The following WDR25 variants were observed in gnomAD, a reference collection of about 807,000 sequenced individuals.
WDR25 encodes WD repeat domain 25, also known as WD repeat-containing protein 25.
WDR25 carries 35 observed loss-of-function variants against 47.7 expected under a neutral mutation model. The ratio of observed to expected loss-of-function variants is 0.73; its 90% CI spans 0.56 to 0.97. WDR25 has a LOEUF of 0.97. Among genes scored for constraint, WDR25 ranks in the 50% least tolerant of loss-of-function variants. The pLI is 0.00. For synonymous variants in WDR25, 248 were observed against 278.9 expected, an observed-to-expected ratio of 0.89 and a Z score of 1.10; for missense variants, 634 against 704.7, an observed-to-expected ratio of 0.90 and a Z score of 1.14.
chr14:100,432,661 T>C (rs1898373981), intron 2 of WDR25, among the ~76,000 whole-genome samples: 4 of 152,252 alleles, frequency 2.6e-5, no homozygotes, highest in Admixed American at 2.0e-4. Context: ...CTGATAGTCC[T>C]TTACTCCCAA....
chr14:100,396,709 G>C (rs1897268128), intron 2 of WDR25, among the ~76,000 whole-genome samples: 2 of 152,222 alleles, frequency 1.3e-5, no homozygotes, highest in African/African-American at 4.8e-5. Flanking sequence ...GAGAGGCCAG[G>C]GGAAATCTCT....
chr14:100,399,303 C>A (rs771981359), intron 2 of WDR25, among the ~76,000 whole-genome samples: 10 of 152,150 alleles, frequency 6.6e-5, no homozygotes, highest in Admixed American at 1.3e-4. Flanking sequence ...GCTTTGCATA[C>A]CGATAGATGC....
At chr14:100,419,221 C>CAAA (rs767240939) in intron 2 of WDR25, among the ~76,000 whole-genome samples, 15 of 72,226 alleles carry the variant, frequency 2.1e-4, no homozygotes, top group African/African-American at 6.7e-4. Flanking sequence ...GACTCCATCA[C>CAAA]AAAAAAAAAA....
At chr14:100,398,360 G>A (rs527908806) in intron 2 of WDR25, among the ~76,000 whole-genome samples, 28 of 152,106 alleles carry the variant, frequency 1.8e-4, no homozygotes, top group Non-Finnish European at 2.5e-4. Context: ...GTTTCAGCCA[G>A]CATTCCAGTA....
intron 5 of WDR25, among the ~76,000 whole-genome samples, chr14:100,527,316 C>T (rs1233415449): frequency 6.6e-6 from 1 of 151,936 alleles, no homozygotes; most frequent in Non-Finnish European, 1.5e-5. Flanking sequence ...TTATCATCAC[C>T]ACCACCACCA....
At position 100,526,162 on chromosome 14, in the gene WDR25, G is replaced by C; in HGVS notation, c.1272+122G>C. 3 of 1,250,076 alleles carry C rather than the reference G, an allele frequency of 2.4e-6. No individual in the cohort carries two copies. The African/African-American group carries it at 4.5e-5, about 19-fold the overall frequency. 77.4% of individuals were successfully genotyped at this position (1,250,076 alleles called of 1,614,324 possible). On this transcript the variant is annotated intron_variant, in intron 5 of 6. Transcript: ENST00000402312. ...GAGGCTCACTGGACTGAAATCTCCA[G>C]GATGAGGGTAGTCAGGTCTCAGCCT...
intron 2 of WDR25, among the ~76,000 whole-genome samples, chr14:100,399,954 C>T (rs1251644044): frequency 6.6e-6 from 1 of 152,174 alleles, no homozygotes; most frequent in Admixed American, 6.5e-5. Flanking sequence ...CCAGGAATAA[C>T]TTAAGTTACA....
chr14:100,490,203 G>C (rs976535656), intron 4 of WDR25, among the ~76,000 whole-genome samples: 1 of 152,148 alleles, frequency 6.6e-6, no homozygotes, highest in East Asian at 1.9e-4. Context: ...CATTCTGGTA[G>C]CATGTGGACT....
At chr14:100,464,082 C>T (rs1229167880) in intron 2 of WDR25, among the ~76,000 whole-genome samples, 1 of 152,152 alleles carries the variant, frequency 6.6e-6, no homozygotes, top group Admixed American at 6.5e-5. Context: ...CCTGGGATGC[C>T]CCAACGGCTT....
intron 2 of WDR25, among the ~76,000 whole-genome samples, chr14:100,419,951 A>G (rs1897978871): frequency 6.6e-6 from 1 of 152,244 alleles, no homozygotes; most frequent in South Asian, 2.1e-4. Flanking sequence ...ATGATGTGGA[A>G]TTTCCCCTGG....
At chr14:100,464,170 C>T (rs1028289632) in intron 2 of WDR25, among the ~76,000 whole-genome samples, 1 of 152,166 alleles carries the variant, frequency 6.6e-6, no homozygotes, top group African/African-American at 2.4e-5. Flanking sequence ...GCTGCAGTGG[C>T]CCTTCTTGCT....
At chr14:100,510,930 C>T (rs1901291125) in intron 4 of WDR25, among the ~76,000 whole-genome samples, 1 of 151,784 alleles carries the variant, frequency 6.6e-6, no homozygotes, top group Non-Finnish European at 1.5e-5. Context: ...ATCTTTATAC[C>T]ATTGTTTTCA....
In WDR25 at chr14:100,525,706, T is replaced by C. The variant is rs1020774759; in HGVS notation, c.1102-164T>C. ...CTGGACTGGGCATGGGGCAGGAGGG[T>C]CCATGATTCCATATATGGCTTGTGG... On this transcript the variant is annotated intron_variant, in intron 4 of 6. Coordinates refer to ENST00000402312, the MANE Select transcript of WDR25 (RefSeq NM_001161476.3). The surrounding 1 kb of genome is among the most constrained non-coding windows in gnomAD (Gnocchi z 4.6). 2.6e-5 allele frequency among the ~76,000 whole-genome samples: 4 copies of C among 151,920 alleles called. No homozygotes were observed. The highest frequency in any genetic ancestry group is 9.7e-5 in the African/African-American group (4 of 41,302).
At chr14:100,459,894 G>GTGTATATATATGTGTATA (rs1172584092) in intron 2 of WDR25, among the ~76,000 whole-genome samples, 1 of 78,272 alleles carries the variant, frequency 1.3e-5, no homozygotes, top group African/African-American at 4.7e-5. Context: ...GTGTGTGTGT[G>GTGTATATATATGTGTATA]TATATATATA....
intron 4 of WDR25, among the ~76,000 whole-genome samples, chr14:100,513,508 C>A (rs906251826): frequency 2.6e-5 from 4 of 152,170 alleles, no homozygotes; most frequent in African/African-American, 9.7e-5. Flanking sequence ...TTTGTCCTAG[C>A]AGCAGGAATG....
chr14:100,423,031 C>T (rs368095196), intron 2 of WDR25, among the ~76,000 whole-genome samples: 1 of 152,218 alleles, frequency 6.6e-6, no homozygotes, highest in South Asian at 2.1e-4. Context: ...ATTTCAGTAA[C>T]TGCAGGCTGT....
intron 2 of WDR25, among the ~76,000 whole-genome samples, chr14:100,403,519 A>G (rs1056243668): frequency 2.6e-5 from 4 of 152,210 alleles, no homozygotes; most frequent in Non-Finnish European, 5.9e-5. Flanking sequence ...TGTTTCTTGT[A>G]AAGTGGTGCT....
At chr14:100,501,435 C>T (rs1293790738) in intron 4 of WDR25, among the ~76,000 whole-genome samples, 1 of 152,172 alleles carries the variant, frequency 6.6e-6, no homozygotes, top group African/African-American at 2.4e-5. Context: ...GTACCTTCCC[C>T]CCAGCCAGAC....
At chr14:100,480,212 C>T (rs149288918) in intron 3 of WDR25, among the ~76,000 whole-genome samples, 2 of 152,156 alleles carry the variant, frequency 1.3e-5, no homozygotes, top group Non-Finnish European at 2.9e-5. Flanking sequence ...CAGGCTGGAC[C>T]GTTAGGGTGT....
Sources: allele counts gnomAD v4.1 joint callset (sites outside exome capture counted in the v4.1 genomes callset), GRCh38; gene constraint gnomAD v4.1.1; non-coding constraint Gnocchi (gnomAD v3.1); transcripts MANE v1.5; gene names NCBI Gene and HGNC (gene_info 2026-07-23, HGNC 2026-07-21).